Variants in TMEM273 observed in about 807,000 individuals in gnomAD.
TMEM273 encodes the protein transmembrane protein 273.
In TMEM273, 19 loss-of-function variants were observed where a neutral mutation model predicts 17.9. The observed-to-expected ratio is 1.06, with a 90% CI of 0.74 to 1.55. The LOEUF (loss-of-function observed/expected upper bound fraction) is 1.55. Among genes scored for constraint, TMEM273 ranks in the 40% most tolerant of loss-of-function variants. The pLI, the probability that TMEM273 is intolerant of heterozygous loss-of-function variation, is 0.00. For synonymous variants in TMEM273, 66 were observed against 62.0 expected (o/e 1.07, Z -0.31); for missense variants, 194 against 155.6 (o/e 1.25, Z -1.31).
rs1373775652 is a variant in TMEM273 at position 49,188,289 on chromosome 10, C to T, written c.43+5G>A. On this transcript the variant is annotated splice_donor_5th_base_variant and intron_variant, in intron 1 of 6. Coordinates refer to ENST00000374153, the MANE Select transcript of TMEM273 (RefSeq NM_001288740.3). ...GGGCCAGAGACCCCCGCAGTCCCCA[C>T]TTACCCAGGAGGAAGAGGATCCTCA... 2.5e-6 allele frequency: 4 copies of T among 1,614,176 alleles called. No individual in the cohort carries two copies. The East Asian group carries it at 8.9e-5, about 36-fold the overall frequency.
chr10:49,178,055 C>A, intron 1 of TMEM273: 2 of 390,808 alleles, frequency 5.1e-6, no homozygotes. Flanking sequence ...CCTAGTAAGT[C>A]TCCCTGCCTC....
At chr10:49,166,610 A>G in intron 3 of TMEM273, 1 of 496,512 alleles carries the variant, frequency 2.0e-6, no homozygotes, top group Non-Finnish European at 3.7e-6. Context: ...GGAAAGAGAC[A>G]CAGAAAGACA....
rs10857435 is a variant in TMEM273 at position 49,161,472 on chromosome 10, G to A, written c.372+127C>T. 0.015 allele frequency: 17,828 copies of A among 1,186,922 alleles called. 196 individuals are homozygous for A. Among genetic ancestry groups the A allele is most frequent in the Non-Finnish European group, 0.018 (14,667 of 798,220 alleles). 73.5% of individuals were successfully genotyped at this position (1,186,922 alleles called of 1,614,324 possible). A position where few individuals can be genotyped will look rare whatever the true frequency, so the allele number is the denominator to read the frequency against. The stretch of plus-strand genomic sequence containing the variant: ...AGCTGTCCTGGCATGAGGGCTCCTG[G>A]CCATGCCATGGTTGCCCGTCCCACG... On this transcript the variant is annotated intron_variant, in intron 6 of 6. Coordinates refer to ENST00000374153, the MANE Select transcript of TMEM273 (RefSeq NM_001288740.3).
chr10:49,160,252 T>C (rs1309021448), intron 6 of TMEM273: 1 of 152,144 alleles, frequency 6.6e-6, no homozygotes, highest in African/African-American at 2.4e-5. Context: ...TTTCTACAAA[T>C]GTAGAAATCT....
intron 6 of TMEM273, among the ~76,000 whole-genome samples, chr10:49,158,941 T>A (rs1240171324): frequency 6.6e-6 from 1 of 152,190 alleles, no homozygotes; most frequent in Non-Finnish European, 1.5e-5. Flanking sequence ...ATCTTCTAAT[T>A]TTATTTTAAA....
rs748151219 is a variant in TMEM273 at position 49,188,381 on chromosome 10, G to A, written c.-45C>T. On this transcript the variant is annotated 5_prime_UTR_variant, in exon 1 of 7. Coordinates refer to ENST00000374153, the MANE Select transcript of TMEM273 (RefSeq NM_001288740.3). ...CTCCTGGCTCCTGGCTGCTGGCAGC[G>A]CAGGCACAATGAGCCATGTGACCCA... 32 of 1,613,658 alleles carry A rather than the reference G, an allele frequency of 2.0e-5. No homozygotes were observed. The highest frequency in any genetic ancestry group is 4.4e-5 in the South Asian group (4 of 91,006).
rs1845459561 is a variant in TMEM273 at position 49,155,536 on chromosome 10, T to C, written c.*356A>G. 2.9e-6 allele frequency: 1 copy of C among 340,782 alleles called. No homozygotes were observed. Among genetic ancestry groups the C allele is most frequent in the East Asian group, 5.7e-5 (1 of 17,498 alleles). 21.1% of individuals were successfully genotyped at this position (340,782 alleles called of 1,614,324 possible). Reference sequence around the variant, plus strand: ...AGCTGTGTGTTGGGTCGGATTCCCCTTTTCATGAGCCATTTTCTGTGGTAG... The same window carrying C: ...AGCTGTGTGTTGGGTCGGATTCCCCCTTTCATGAGCCATTTTCTGTGGTAG... On this transcript the variant is annotated 3_prime_UTR_variant, in exon 7 of 7. Transcript: ENST00000374153.
chr10:49,178,184 TC>T (rs1053705197), intron 1 of TMEM273: 4 of 457,222 alleles, frequency 8.7e-6, no homozygotes, highest in Non-Finnish European at 1.8e-5. Context: ...CTGGCCCATG[TC>T]ACCTCTCATT....
chr10:49,162,837 G>A (rs960503136), intron 5 of TMEM273, among the ~76,000 whole-genome samples: 2 of 152,172 alleles, frequency 1.3e-5, no homozygotes, highest in African/African-American at 4.8e-5. Flanking sequence ...AGGCAACAAA[G>A]GTTCTAGGAA....
intron 1 of TMEM273, 65 bp downstream of exon 1, chr10:49,188,229 G>A: frequency 6.3e-7 from 1 of 1,577,690 alleles, no homozygotes; most frequent in Non-Finnish European, 8.7e-7. Context: ...AGTGGGCTAA[G>A]GCTCCCCCAG....
chr10:49,186,180 T>A (rs978258511), intron 1 of TMEM273, among the ~76,000 whole-genome samples: 1 of 152,052 alleles, frequency 6.6e-6, no homozygotes, highest in Non-Finnish European at 1.5e-5. Flanking sequence ...AACTCTAACC[T>A]GTAACTATCA....
intron 2 of TMEM273, among the ~76,000 whole-genome samples, chr10:49,167,337 C>G (rs1057268570): frequency 6.6e-6 from 1 of 152,270 alleles, no homozygotes; most frequent in Non-Finnish European, 1.5e-5. Context: ...AATTCATCCA[C>G]TCATCTATTG....
Sources: allele counts gnomAD v4.1 joint callset (sites outside exome capture counted in the v4.1 genomes callset), GRCh38; gene constraint gnomAD v4.1.1; transcripts MANE v1.5; gene names NCBI Gene and HGNC (gene_info 2026-07-23, HGNC 2026-07-21).